VWA3B: variants seen among roughly 807,000 people sequenced by gnomAD.
The protein encoded by VWA3B is von Willebrand factor A domain containing 3B.
VWA3B carries 138 observed loss-of-function variants against 158.3 expected under a neutral mutation model. That is an observed-to-expected ratio of 0.87 (90% CI 0.76 to 1.00). The LOEUF is 1.00. Ranked by LOEUF, VWA3B falls within the 50% of genes least tolerant of loss-of-function variation. The pLI is 0.00. For synonymous variants in VWA3B, 596 were observed against 587.3 expected, an observed-to-expected ratio of 1.01 and a Z score of -0.21; for missense variants, 1,555 against 1,565.1, an observed-to-expected ratio of 0.99 and a Z score of 0.11.
rs549464437 is a variant in VWA3B, at chr2:98,102,795, G to A, written c.196+9507G>A. ...CTTTGATGGCATTTGTACACGATTGGTATTTCTTCTTTAAATGTTTGATAC... is the reference window on the plus strand; with the variant it reads ...CTTTGATGGCATTTGTACACGATTGATATTTCTTCTTTAAATGTTTGATAC... On this transcript the variant is annotated intron_variant, in intron 2 of 27. Transcript: ENST00000477737. Among the ~76,000 whole-genome samples, 155 of 152,208 alleles carry A rather than the reference G, an allele frequency of 1.0e-3. No individual in the cohort carries two copies. The Middle Eastern group carries it at 0.01, about 10-fold the overall frequency.
At chr2:98,200,872 A>T (rs1682484991) in intron 12 of VWA3B, among the ~76,000 whole-genome samples, 1 of 152,190 alleles carries the variant, frequency 6.6e-6, no homozygotes, top group East Asian at 1.9e-4. Flanking sequence ...AGGATCCAGC[A>T]CTGTTTGTCT....
Position 98,234,101 on chromosome 2 carries a change from C to G in VWA3B, c.2309-547C>G, listed in dbSNP as rs139616256. Reference sequence around the variant, plus strand: ...CTTACCAAAGATGTCCTGCCCTGAACCCTGCAATCTTTGAATATGATGACA... The same window carrying G: ...CTTACCAAAGATGTCCTGCCCTGAAGCCTGCAATCTTTGAATATGATGACA... On this transcript the variant is annotated intron_variant, in intron 16 of 27. Coordinates refer to ENST00000477737, the MANE Select transcript of VWA3B (RefSeq NM_144992.5). 6.4e-3 allele frequency among the ~76,000 whole-genome samples: 980 copies of G among 152,322 alleles called. 6 individuals carry two copies. Among genetic ancestry groups the G allele is most frequent in the African/African-American group, 0.022 (935 of 41,564 alleles).
At chr2:98,305,005 T>C (rs1281778082) in intron 26 of VWA3B, among the ~76,000 whole-genome samples, 2 of 152,108 alleles carry the variant, frequency 1.3e-5, no homozygotes, top group Non-Finnish European at 2.9e-5. Context: ...TCCAAGAAAC[T>C]GCTTCCACAG....
chr2:98,245,242 C>A (rs1686317203), intron 19 of VWA3B, among the ~76,000 whole-genome samples: 1 of 151,864 alleles, frequency 6.6e-6, no homozygotes. Flanking sequence ...GGTTTTATTC[C>A]CTCTCAAACA....
chr2:98,207,901 A>G (rs1177379467), intron 12 of VWA3B, among the ~76,000 whole-genome samples: 1 of 152,182 alleles, frequency 6.6e-6, no homozygotes, highest in Admixed American at 6.5e-5. Context: ...CCTCAGAAAA[A>G]AAAGAATGGT....
At chr2:98,116,688 T>G (rs1391185230) in intron 3 of VWA3B, among the ~76,000 whole-genome samples, 2 of 152,182 alleles carry the variant, frequency 1.3e-5, no homozygotes, top group African/African-American at 4.8e-5. Flanking sequence ...TGTATTTTTT[T>G]GCAGACGGGG....
At chr2:98,282,389 A>G (rs2105923152) in intron 22 of VWA3B, among the ~76,000 whole-genome samples, 1 of 152,106 alleles carries the variant, frequency 6.6e-6, no homozygotes, top group Non-Finnish European at 1.5e-5. Context: ...ATTCTTGCCA[A>G]TAGTAATAAC....
chr2:98,185,627 G>A (rs376340068), intron 9 of VWA3B, among the ~76,000 whole-genome samples: 1 of 152,198 alleles, frequency 6.6e-6, no homozygotes, highest in East Asian at 1.9e-4. Flanking sequence ...TTCCTGTGTT[G>A]TGAACATCGA....
intron 7 of VWA3B, among the ~76,000 whole-genome samples, chr2:98,147,748 C>T (rs1979141): frequency 0.34 from 51,406 of 151,366 alleles, 9,159 homozygotes; most frequent in African/African-American, 0.43. Flanking sequence ...ATGTGCACAA[C>T]GTGCAGGTTT....
chr2:98,103,542 A>C (rs1160948271), intron 2 of VWA3B, among the ~76,000 whole-genome samples: 4 of 152,182 alleles, frequency 2.6e-5, no homozygotes, highest in African/African-American at 9.7e-5. Context: ...ATACACTTTA[A>C]AAAATGTGTT....
In VWA3B at chr2:98,312,022, C is replaced by A. The variant is rs1690930951; in HGVS notation, c.3725C>A (p.Pro1242His). 2 of 1,597,908 alleles carry A rather than the reference C, an allele frequency of 1.3e-6. No homozygotes were observed. The highest frequency in any genetic ancestry group is 2.3e-5 in the East Asian group (1 of 44,090). The change falls in exon 27 of 28, where the codon CCC becomes CAC. Residue 1242 changes from proline (P) to histidine (H), a missense_variant. By Grantham distance (77) the Pro-to-His change is moderately conservative. Transcript: ENST00000477737. ...SSHGSCQGTH[P>H]EPRTAHLHFP... ...CATGGGTCCTGCCAGGGGACACACC[C>A]CGAGCCCAGGGTTTGGGTGATGGGG...
intron 7 of VWA3B, among the ~76,000 whole-genome samples, chr2:98,134,152 C>T (rs761935994): frequency 3.3e-5 from 5 of 152,204 alleles, no homozygotes; most frequent in Admixed American, 6.5e-5. Flanking sequence ...ATGGCCTAAG[C>T]GATGTGTGTT....
chr2:98,296,676 C>T (rs1473547993), intron 23 of VWA3B, among the ~76,000 whole-genome samples: 6 of 152,106 alleles, frequency 3.9e-5, no homozygotes, highest in East Asian at 1.9e-4. Flanking sequence ...CCCAGCGGGA[C>T]GCGTGTGCTC....
intron 14 of VWA3B, among the ~76,000 whole-genome samples, chr2:98,222,519 T>C (rs1194673515): frequency 6.6e-6 from 1 of 152,202 alleles, no homozygotes; most frequent in African/African-American, 2.4e-5. Flanking sequence ...CAGAGTGCGT[T>C]GGAAGAACAG....
intron 9 of VWA3B, among the ~76,000 whole-genome samples, chr2:98,185,813 C>CCCT (rs1195235645): frequency 6.6e-6 from 1 of 152,212 alleles, no homozygotes; most frequent in African/African-American, 2.4e-5. Flanking sequence ...CCTCCTGTTG[C>CCCT]CCTTGTTTCC....
chr2:98,111,973 T>G (rs932286382), intron 2 of VWA3B, among the ~76,000 whole-genome samples: 2 of 152,206 alleles, frequency 1.3e-5, no homozygotes, highest in Non-Finnish European at 2.9e-5. Context: ...GTTGAGGACT[T>G]AGTTATAAAT....
chr2:98,249,524 G>C (rs978533504), intron 19 of VWA3B, among the ~76,000 whole-genome samples: 7 of 152,174 alleles, frequency 4.6e-5, no homozygotes, highest in Non-Finnish European at 1.0e-4. Context: ...GAAGCTAACA[G>C]TGAACTTTGA....
chr2:98,142,284 T>A (rs867882506), intron 7 of VWA3B, among the ~76,000 whole-genome samples: 3 of 152,096 alleles, frequency 2.0e-5, no homozygotes, highest in Admixed American at 6.5e-5. Flanking sequence ...CTCCCTGGAT[T>A]CCCCCCATGC....
At chr2:98,173,175 G>T (rs931800565) in intron 8 of VWA3B, among the ~76,000 whole-genome samples, 3 of 152,190 alleles carry the variant, frequency 2.0e-5, no homozygotes, top group Non-Finnish European at 2.9e-5. Flanking sequence ...CTCAAAGAAG[G>T]CTGCAGAAGA....
Sources: allele counts gnomAD v4.1 joint callset (sites outside exome capture counted in the v4.1 genomes callset), GRCh38; gene constraint gnomAD v4.1.1; transcripts MANE v1.5; gene names NCBI Gene and HGNC (gene_info 2026-07-23, HGNC 2026-07-21).